The following SPINK13 variants were observed in gnomAD, a reference collection of about 807,000 sequenced individuals.
SPINK13 encodes the protein serine peptidase inhibitor Kazal type 13, also known as serine protease inhibitor Kazal-type 13.
In SPINK13, 11 loss-of-function variants were observed where a neutral mutation model predicts 11.0. The ratio of observed to expected loss-of-function variants is 1.00; its 90% CI spans 0.63 to 1.65. The LOEUF is 1.65. Ranked by LOEUF, SPINK13 falls within the 40% of genes most tolerant of loss-of-function variation. SPINK13 has a pLI of 0.00. For synonymous variants in SPINK13, 31 were observed against 35.6 expected (o/e 0.87, Z 0.46); for missense variants, 113 against 117.7 (o/e 0.96, Z 0.19).
At chr5:148,285,249 A>C (rs1446497327) in intron 4 of SPINK13, among the ~76,000 whole-genome samples, 1 of 152,132 alleles carries the variant, frequency 6.6e-6, no homozygotes, top group Non-Finnish European at 1.5e-5. Context: ...ACTAGGCTCC[A>C]AGCATTTATG....
intron 3 of SPINK13, among the ~76,000 whole-genome samples, chr5:148,275,666 C>CT (rs768312591): frequency 0.014 from 2,059 of 142,322 alleles, 43 homozygotes; most frequent in African/African-American, 0.042. Flanking sequence ...GACTTTTTTT[C>CT]TTTTTTTTTT....
At chr5:148,276,200 T>C (rs576120507) in intron 3 of SPINK13, among the ~76,000 whole-genome samples, 65 of 152,348 alleles carry the variant, frequency 4.3e-4, no homozygotes, top group African/African-American at 1.4e-3. Context: ...ATTAGCCGTT[T>C]GTCAGATGGG....
rs10044643 is a variant in SPINK13, at chr5:148,271,896, T to C, written c.70+1754T>C. ...GCCTGGCCTCCCAAAGTGCTGGGAT[T>C]ACAGGCGTGAGCCACCACGCCTGGC... On this transcript the variant is annotated intron_variant, in intron 2 of 4. Transcript: ENST00000398450. Among the ~76,000 whole-genome samples the C allele has an allele frequency of 5.0e-3, 768 of 152,308 alleles. 7 individuals are homozygous for C. The highest frequency in any genetic ancestry group is 0.018 in the African/African-American group (730 of 41,582).
chr5:148,281,658 T>C (rs1055679590), intron 3 of SPINK13, among the ~76,000 whole-genome samples: 1 of 152,134 alleles, frequency 6.6e-6, no homozygotes, highest in African/African-American at 2.4e-5. Flanking sequence ...GGTACCTCAG[T>C]TGGAAATGCA....
In SPINK13 at chr5:148,278,476, T is replaced by C. The variant is rs147092418; in HGVS notation, c.109-3628T>C. ...GAGATTCTGTTATGTTGTGTCTTTG[T>C]TCTCATCAGTTTCAAAGAATATCTT... On this transcript the variant is annotated intron_variant, in intron 3 of 4. Coordinates refer to ENST00000398450, the MANE Select transcript of SPINK13 (RefSeq NM_001040129.3). Among the ~76,000 whole-genome samples the C allele has an allele frequency of 7.1e-3, 1,089 of 152,334 alleles. 62 individuals are homozygous for C. The East Asian group carries it at 0.14, about 20-fold the overall frequency.
At chr5:148,275,490 G>C (rs191039338) in intron 3 of SPINK13, among the ~76,000 whole-genome samples, 2 of 152,128 alleles carry the variant, frequency 1.3e-5, no homozygotes, top group African/African-American at 4.8e-5. Flanking sequence ...AATCCTTTGG[G>C]TATATACCCA....
chr5:148,270,512 C>T (rs1756335231), intron 2 of SPINK13, among the ~76,000 whole-genome samples: 2 of 151,820 alleles, frequency 1.3e-5, no homozygotes, highest in South Asian at 4.2e-4. Flanking sequence ...AAAAATAAGC[C>T]AATGAAAAAA....
intron 3 of SPINK13, among the ~76,000 whole-genome samples, chr5:148,277,479 A>C (rs543275665): frequency 6.6e-6 from 1 of 152,346 alleles, no homozygotes; most frequent in East Asian, 1.9e-4. Context: ...GAGTGTTTTT[A>C]GCATGAAGGG....
intron 3 of SPINK13, among the ~76,000 whole-genome samples, chr5:148,279,325 T>C (rs1304157131): frequency 2.6e-5 from 4 of 152,148 alleles, no homozygotes; most frequent in Non-Finnish European, 5.9e-5. Flanking sequence ...GTCATTATTA[T>C]GCTAGCTGGC....
intron 3 of SPINK13, among the ~76,000 whole-genome samples, chr5:148,277,907 C>CT (rs1202358582): frequency 1.3e-5 from 2 of 152,012 alleles, no homozygotes; most frequent in African/African-American, 4.8e-5. Context: ...TGGTCCTGGG[C>CT]TTTTTTTGGT....
intron 2 of SPINK13, among the ~76,000 whole-genome samples, chr5:148,273,125 T>G (rs1000675118): frequency 1.3e-5 from 2 of 152,188 alleles, no homozygotes; most frequent in African/African-American, 4.8e-5. Flanking sequence ...TGAGTATGTA[T>G]GCTTGCATAA....
chr5:148,269,848 C>T (rs1581162801), intron 1 of SPINK13, among the ~76,000 whole-genome samples, 192 bp from the exon 2 acceptor site: 1 of 151,774 alleles, frequency 6.6e-6, no homozygotes, highest in African/African-American at 2.4e-5. Context: ...AAAAAAAAGT[C>T]ATTTTTTTAT....
At chr5:148,279,091 CTTTTTT>C (rs746029113) in intron 3 of SPINK13, among the ~76,000 whole-genome samples, 6 of 51,658 alleles carry the variant, frequency 1.2e-4, no homozygotes, top group African/African-American at 2.4e-4. Flanking sequence ...GCAACCCCTG[CTTTTTT>C]TTTTTTTTTT....
chr5:148,274,033 G>A (rs1196761089), intron 2 of SPINK13, among the ~76,000 whole-genome samples: 1 of 152,106 alleles, frequency 6.6e-6, no homozygotes, highest in Non-Finnish European at 1.5e-5. Context: ...CAATTGCAGT[G>A]AAGAGGAAGC....
chr5:148,272,020 C>A (rs1247301986), intron 2 of SPINK13, among the ~76,000 whole-genome samples: 2 of 152,146 alleles, frequency 1.3e-5, no homozygotes, highest in African/African-American at 4.8e-5. Context: ...TATAAATATT[C>A]ATGTGTGCAG....
intron 3 of SPINK13, among the ~76,000 whole-genome samples, chr5:148,281,892 G>T (rs979400133): frequency 2.6e-5 from 4 of 152,154 alleles, no homozygotes; most frequent in Non-Finnish European, 4.4e-5. Flanking sequence ...ATATTAAAAT[G>T]GTTATGACTT....
At chr5:148,269,535 A>T (rs1307814021) in intron 1 of SPINK13, among the ~76,000 whole-genome samples, 1 of 152,182 alleles carries the variant, frequency 6.6e-6, no homozygotes, top group Non-Finnish European at 1.5e-5. Flanking sequence ...CTGGGAAATA[A>T]AGGGCTTAAG....
intron 3 of SPINK13, among the ~76,000 whole-genome samples, chr5:148,280,450 G>A (rs1756495740): frequency 6.6e-6 from 1 of 152,140 alleles, no homozygotes; most frequent in African/African-American, 2.4e-5. Flanking sequence ...TGATGTTGGA[G>A]ACCTTCAGAT....
chr5:148,274,628 C>A (rs903923107), intron 3 of SPINK13, among the ~76,000 whole-genome samples: 3 of 152,054 alleles, frequency 2.0e-5, no homozygotes, highest in African/African-American at 4.8e-5. Context: ...AAGGCTGTAG[C>A]CAGCTACATG....
Sources: gnomAD v4.1 joint callset for allele counts (sites outside exome capture counted in the v4.1 genomes callset) on GRCh38, gnomAD v4.1.1 for gene constraint, MANE v1.5 for transcripts, NCBI Gene and HGNC (gene_info 2026-07-23, HGNC 2026-07-21) for gene names.